The following SLC25A6 variants were observed in gnomAD, a reference collection of about 807,000 sequenced individuals.
The protein encoded by SLC25A6 is ADP/ATP translocase 3.
In SLC25A6, 9 loss-of-function variants were observed where a neutral mutation model predicts 25.7. The ratio of observed to expected loss-of-function variants is 0.35; its 90% CI spans 0.21 to 0.61. The LOEUF (loss-of-function observed/expected upper bound fraction) is 0.61. Ranked by LOEUF, SLC25A6 falls within the 20% of genes least tolerant of loss-of-function variation. The probability of loss-of-function intolerance (pLI) is 0.76; values close to 1 mark genes in which losing one functional copy is unlikely to be tolerated. For synonymous variants in SLC25A6, 223 were observed against 197.0 expected, an observed-to-expected ratio of 1.13 and a Z score of -1.11; for missense variants, 404 against 440.5, an observed-to-expected ratio of 0.92 and a Z score of 0.74.
intron 2 of SLC25A6, 123 bp from the exon 3 acceptor site, chrX:1,387,542 C>G (rs2089342017): frequency 7.2e-7 from 1 of 1,383,410 alleles, no homozygotes; most frequent in Non-Finnish European, 9.8e-7. Context: ...ACCACCAGTG[C>G]CCCCTCCACG....
In SLC25A6 at chrX:1,389,296, C is replaced by A. The variant is rs1415785087; in HGVS notation, c.543G>T (p.Val181=). Residue 181 remains valine, a synonymous_variant, in exon 2 of 4, where the codon GTG becomes GTT. Transcript: ENST00000381401. ...RGLYQGFSVS[V]QGIIIYRAAY... Reference sequence around the variant, plus strand: ...CCGCCCGGTAGATGATGATGCCCTGCACGGAGACACTGAAGCCCTGGTACA... The same window carrying A: ...CCGCCCGGTAGATGATGATGCCCTGAACGGAGACACTGAAGCCCTGGTACA... 17 of 1,613,790 alleles carry A rather than the reference C, an allele frequency of 1.1e-5. No homozygotes were observed. The highest frequency in any genetic ancestry group is 1.4e-5 in the Non-Finnish European group (17 of 1,179,876).
rs1180608900 is a variant in SLC25A6 at position 1,389,281 on chromosome X, G to C, written c.558C>G (p.Ile186Met). ...GFSVSVQGII[I>M]YRAAYFGVYD... ...ACACGCCGAAGTAGGCCGCCCGGTAGATGATGATGCCCTGCACGGAGACAC... is the reference window on the plus strand; with the variant it reads ...ACACGCCGAAGTAGGCCGCCCGGTACATGATGATGCCCTGCACGGAGACAC... The change falls in exon 2 of 4, where the codon ATC (isoleucine) becomes ATG (methionine). Residue 186 changes from isoleucine to methionine, a missense_variant. Coordinates refer to ENST00000381401, the MANE Select transcript of SLC25A6 (RefSeq NM_001636.4). 1.9e-6 allele frequency: 3 copies of C among 1,613,744 alleles called. No individual in the cohort carries two copies. In the African/African-American group the frequency reaches 4.0e-5, roughly 22 times the overall value.
chrX:1,387,237 T>A (rs754419969), intron 3 of SLC25A6, 42 bp downstream of exon 3: 7 of 1,604,420 alleles, frequency 4.4e-6, no homozygotes, highest in Non-Finnish European at 1.7e-6. Context: ...AGGAGCTTGG[T>A]TCCCCTTCCC....
At chrX:1,387,222 G>A (rs1314235466) in intron 3 of SLC25A6, 57 bp downstream of exon 3, 1 of 1,596,554 alleles carries the variant, frequency 6.3e-7, no homozygotes, top group African/African-American at 1.3e-5. Context: ...CACGGGCCTA[G>A]GGCAAGGAGC....
In SLC25A6 at chrX:1,389,479, G is replaced by A. The variant is rs150984574; in HGVS notation, c.360C>T (p.Gly120=). 37 of 1,614,062 alleles carry A rather than the reference G, an allele frequency of 2.3e-5. No individual in the cohort carries two copies. Among genetic ancestry groups the A allele is most frequent in the African/African-American group, 1.6e-4 (12 of 75,056 alleles). The part of the protein sequence containing the change: ...WRYFAGNLAS[G]GAAGATSLCF... The stretch of plus-strand genomic sequence containing the variant: ...AGAGGGAGGTCGCGCCGGCCGCACC[G>A]CCGGAGGCCAGGTTGCCCGCAAAGT... The change falls in exon 2 of 4, where the codon GGC becomes GGT. Residue 120 remains glycine, a synonymous_variant. Coordinates refer to ENST00000381401, the MANE Select transcript of SLC25A6 (RefSeq NM_001636.4).
At chrX:1,390,932 T>A (rs192058501) in intron 1 of SLC25A6, among the ~76,000 whole-genome samples, 1,649 of 147,400 alleles carry the variant, frequency 0.011, 33 homozygotes, top group African/African-American at 0.039. Context: ...TGCTAAGTTT[T>A]AAAAATTTTC....
intron 1 of SLC25A6, among the ~76,000 whole-genome samples, chrX:1,390,891 T>A (rs1331771326): frequency 1.3e-5 from 2 of 150,336 alleles, no homozygotes; most frequent in Non-Finnish European, 3.0e-5. Flanking sequence ...CGATCCTCCC[T>A]GGGCCTCTCA....
chrX:1,389,303 A>G lies in SLC25A6; in HGVS notation c.536T>C (p.Val179Ala), dbSNP rs1439357235. ...GTAGATGATGATGCCCTGCACGGAG[A>G]CACTGAAGCCCTGGTACAGGCCCCG... ...GIRGLYQGFSVSVQGIIIYRA... is the reference protein window; with the variant it reads ...GIRGLYQGFSASVQGIIIYRA... Residue 179 changes from valine to alanine, a missense_variant, in exon 2 of 4, where the codon GTC (valine) becomes GCC (alanine). Physicochemically the swap from Val to Ala is moderately conservative, Grantham distance 64. Transcript: ENST00000381401. 1 of 1,613,844 alleles carries G rather than the reference A, an allele frequency of 6.2e-7. No homozygotes were observed. The highest frequency in any genetic ancestry group is 1.1e-5 in the South Asian group (1 of 91,068).
chrX:1,386,889 G>A (rs753619691), intron 3 of SLC25A6, 130 bp from the exon 4 acceptor site: 118 of 1,157,944 alleles, frequency 1.0e-4, no homozygotes, highest in Non-Finnish European at 1.3e-4. Context: ...GATTACAGGA[G>A]GGATACCTGA....
At chrX:1,386,844 A>T in intron 3 of SLC25A6, 85 bp from the exon 4 acceptor site, 1 of 1,469,732 alleles carries the variant, frequency 6.8e-7, no homozygotes, top group Non-Finnish European at 9.2e-7. Flanking sequence ...GACGTTTCAC[A>T]GAAATAACAC....
At position 1,389,440 on chromosome X, in the gene SLC25A6, C is replaced by A. The variant is rs144081830; in HGVS notation, c.399G>T (p.Pro133=). The change falls in exon 2 of 4, where the codon CCG becomes CCT. Residue 133 remains proline, a synonymous_variant. Transcript: ENST00000381401. ...AGATSLCFVY[P]LDFARTRLAA... ...CCAGGCGGGTTCTGGCGAAATCCAG[C>A]GGGTACACGAAGCAGAGGGAGGTCG... 6.2e-7 allele frequency: 1 copy of A among 1,613,852 alleles called. No individual in the cohort carries two copies. Among genetic ancestry groups the A allele is most frequent in the Non-Finnish European group, 8.5e-7 (1 of 1,179,908 alleles).
chrX:1,386,498 A>G lies in SLC25A6; in HGVS notation c.*104T>C. The G allele has an allele frequency of 7.5e-7, 1 of 1,331,110 alleles. No homozygotes were observed. 82.5% of individuals were successfully genotyped at this position (1,331,110 alleles called of 1,614,324 possible). On this transcript the variant is annotated 3_prime_UTR_variant, in exon 4 of 4. Transcript: ENST00000381401. ...CAGGCAGGATGCGGCTGGGAAAAAG[A>G]CAACTGGAATTTCTCGAAGGTTGAT...
intron 2 of SLC25A6, among the ~76,000 whole-genome samples, chrX:1,388,826 C>T (rs1205279671): frequency 6.6e-6 from 1 of 151,252 alleles, no homozygotes; most frequent in Non-Finnish European, 1.5e-5. Context: ...CACAGACACA[C>T]ACAGAGGGAC....
chrX:1,391,865 C>T, intron 1 of SLC25A6, 34 bp downstream of exon 1: 2 of 1,523,068 alleles, frequency 1.3e-6, no homozygotes, highest in South Asian at 1.2e-5. Flanking sequence ...TTCCCGTCCC[C>T]TAGTCCCCGG....
Position 1,386,548 on chromosome X carries a change from G to A in SLC25A6, c.*54C>T, listed in dbSNP as rs1391274735. Reference sequence around the variant, plus strand: ...TGGTCCGCACGGTTGAGGATTCTACGTGGTTCTCTTGGTTCCCCTGGTGTG... The same window carrying A: ...TGGTCCGCACGGTTGAGGATTCTACATGGTTCTCTTGGTTCCCCTGGTGTG... On this transcript the variant is annotated 3_prime_UTR_variant, in exon 4 of 4. Coordinates refer to ENST00000381401, the MANE Select transcript of SLC25A6 (RefSeq NM_001636.4). The A allele has an allele frequency of 2.1e-5, 31 of 1,453,788 alleles. No individual in the cohort carries two copies. The highest frequency in any genetic ancestry group is 2.9e-5 in the African/African-American group (2 of 68,308). 90.1% of individuals were successfully genotyped at this position (1,453,788 alleles called of 1,614,324 possible). A position where few individuals can be genotyped will look rare whatever the true frequency, so the allele number is the denominator to read the frequency against.
chrX:1,391,870 C>A (rs776220549), intron 1 of SLC25A6, 29 bp downstream of exon 1: 3 of 1,539,914 alleles, frequency 1.9e-6, no homozygotes, highest in African/African-American at 1.4e-5. Context: ...GTCCCCTAGT[C>A]CCCGGAGCGG....
chrX:1,389,825 T>C, intron 1 of SLC25A6, 98 bp from the exon 2 acceptor site: 10 of 1,542,742 alleles, frequency 6.5e-6, no homozygotes, highest in Non-Finnish European at 7.0e-6. Flanking sequence ...AAGTCACTCT[T>C]GTTGCCCAAG....
At chrX:1,387,215 G>T in intron 3 of SLC25A6, 64 bp downstream of exon 3, 1 of 1,585,178 alleles carries the variant, frequency 6.3e-7, no homozygotes. Context: ...GACCTCCCAC[G>T]GGCCTAGGGC....
chrX:1,387,516 G>A (rs1309391777), intron 2 of SLC25A6, 97 bp from the exon 3 acceptor site: 2 of 1,532,096 alleles, frequency 1.3e-6, no homozygotes, highest in African/African-American at 1.4e-5. Flanking sequence ...CTGAGGTGGT[G>A]CCGAGCTCTT....
Sources: allele counts gnomAD v4.1 joint callset (sites outside exome capture counted in the v4.1 genomes callset), GRCh38; gene constraint gnomAD v4.1.1; transcripts MANE v1.5; gene names NCBI Gene and HGNC (gene_info 2026-07-23, HGNC 2026-07-21).